CLEC12A: variants seen among roughly 807,000 people sequenced by gnomAD.
The protein encoded by CLEC12A is C-type lectin protein CLL-1.
Under a neutral mutation model 26.5 loss-of-function variants are expected in CLEC12A, and 22 were observed. The ratio of observed to expected loss-of-function variants is 0.83; its 90% CI spans 0.59 to 1.19. The LOEUF (loss-of-function observed/expected upper bound fraction) is 1.19. Among genes scored for constraint, CLEC12A ranks in the 50% most tolerant of loss-of-function variants. CLEC12A has a pLI of 0.00. For missense variants in CLEC12A, 353 were observed against 315.6 expected (o/e 1.12, Z -0.90); for synonymous variants, 119 against 101.9 (o/e 1.17, Z -1.01).
In CLEC12A at chr12:9,980,490, A is replaced by G. The variant is rs574240304; in HGVS notation, c.380-92A>G. ...GAAAAAGAAAGAAGAATAAACAGCA[A>G]ATGTGATCAATGTCACACAGAGAGG... On this transcript the variant is annotated intron_variant, in intron 3 of 5. Transcript: ENST00000304361. 4 of 1,248,934 alleles carry G rather than the reference A, an allele frequency of 3.2e-6. No homozygotes were observed. In the South Asian group the frequency reaches 4.4e-5, roughly 14 times the overall value. 77.4% of individuals were successfully genotyped at this position (1,248,934 alleles called of 1,614,324 possible). A position where few individuals can be genotyped will look rare whatever the true frequency, so the allele number is the denominator to read the frequency against.
At chr12:10,001,881 CTTTTT>C in the CLEC12A span, among the ~76,000 whole-genome samples, 2 of 134,218 alleles carry the variant, frequency 1.5e-5, no homozygotes, top group African/African-American at 5.6e-5. Context: ...TAAACAAAAT[CTTTTT>C]TTTTTTTTTT....
downstream of CLEC12A, among the ~76,000 whole-genome samples, chr12:9,986,363 A>G (rs1187064116): frequency 7.2e-6 from 1 of 138,328 alleles, no homozygotes; most frequent in African/African-American, 2.7e-5. Flanking sequence ...AAAAAAAAAG[A>G]TTAGGACTGA....
chr12:9,979,638 G>A, intron 3 of CLEC12A, 114 bp downstream of exon 3: 1 of 754,358 alleles, frequency 1.3e-6, no homozygotes. Context: ...CATAATTTGG[G>A]GGAAAGAATT....
chr12:9,969,497 G>T (rs1386599941), upstream of CLEC12A, among the ~76,000 whole-genome samples: 1 of 152,136 alleles, frequency 6.6e-6, no homozygotes, highest in African/African-American at 2.4e-5. Flanking sequence ...CTAAACCAAG[G>T]ATTTTGTATG....
chr12:9,980,518 A>T, intron 3 of CLEC12A, 64 bp from the exon 4 acceptor site: 1 of 1,430,738 alleles, frequency 7.0e-7, no homozygotes, highest in Middle Eastern at 1.8e-4. Context: ...CAGAGAGGAA[A>T]GGAAATAATA....
chr12:9,984,923 G>T lies in CLEC12A; in HGVS notation c.695G>T (p.Arg232Ile). 6.3e-7 allele frequency: 1 copy of T among 1,582,026 alleles called. No homozygotes were observed. The highest frequency in any genetic ancestry group is 1.2e-5 in the South Asian group (1 of 86,642). The change falls in exon 6 of 6, where the codon AGA (arginine) becomes ATA (isoleucine). Residue 232 changes from arginine to isoleucine, a missense_variant. By Grantham distance (97) the Arg-to-Ile change is moderately conservative. Coordinates refer to ENST00000304361, the MANE Select transcript of CLEC12A (RefSeq NM_138337.6). ...LNNMYCGYIN[R>I]LYVQYYHCTY... Reference sequence around the variant, plus strand: ...AACATGTATTGTGGATATATAAATAGACTATATGTTCAATATTATCACTGC... The same window carrying T: ...AACATGTATTGTGGATATATAAATATACTATATGTTCAATATTATCACTGC...
At chr12:9,980,831 T>C (rs1303903437) in intron 4 of CLEC12A, 98 bp downstream of exon 4, 10 of 1,324,584 alleles carry the variant, frequency 7.5e-6, no homozygotes, top group African/African-American at 1.5e-5. Flanking sequence ...TTTATTTCAG[T>C]TGGGGTGTGA....
intron 1 of CLEC12A, among the ~76,000 whole-genome samples, chr12:9,955,907 C>A (rs999275477): frequency 1.3e-5 from 2 of 152,022 alleles, no homozygotes; most frequent in African/African-American, 4.8e-5. Flanking sequence ...TGGAGGAAAA[C>A]GTTGCTTCTC....
At chr12:10,005,823 A>G in the CLEC12A span, among the ~76,000 whole-genome samples, 22 of 151,786 alleles carry the variant, frequency 1.4e-4, no homozygotes, top group African/African-American at 5.1e-4. Context: ...GTTTCCTTTA[A>G]GTCTTTGATA....
upstream of CLEC12A, among the ~76,000 whole-genome samples, chr12:9,968,193 T>C (rs1256847073): frequency 6.6e-6 from 1 of 152,170 alleles, no homozygotes; most frequent in African/African-American, 2.4e-5. Flanking sequence ...TGGATCTTTC[T>C]CATGGAATAA....
In CLEC12A at chr12:9,979,370, G is replaced by T; in HGVS notation, c.225G>T (p.Met75Ile). The T allele has an allele frequency of 1.9e-6, 3 of 1,601,676 alleles. No homozygotes were observed. Among genetic ancestry groups the T allele is most frequent in the South Asian group, 2.3e-5 (2 of 88,882 alleles). The change falls in exon 3 of 6, where the codon ATG becomes ATT. Residue 75 changes from methionine to isoleucine, a missense_variant. Met to Ile is a conservative substitution (Grantham distance 10). Coordinates refer to ENST00000304361, the MANE Select transcript of CLEC12A (RefSeq NM_138337.6). ...CTTTGAAGATAGAAATGAAAAAAAT[G>T]AACAAACTACAAAACATCAGTGAAG... ...HVTLKIEMKK[M>I]NKLQNISEEL... is the part of the protein sequence containing the mutation.
upstream of CLEC12A, among the ~76,000 whole-genome samples, chr12:9,970,798 T>C (rs910784584): frequency 1.3e-5 from 2 of 152,204 alleles, no homozygotes; most frequent in Admixed American, 1.3e-4. Flanking sequence ...GCATACTCTC[T>C]GGTGTGGTTT....
At chr12:9,954,748 C>G (rs759912928) in intron 1 of CLEC12A, among the ~76,000 whole-genome samples, 7 of 152,100 alleles carry the variant, frequency 4.6e-5, no homozygotes, top group African/African-American at 1.7e-4. Context: ...AATTAAAAAG[C>G]GTTCATAAAT....
At chr12:9,966,680 C>T (rs1308160812), upstream of CLEC12A, among the ~76,000 whole-genome samples, 1 of 151,594 alleles carries the variant, frequency 6.6e-6, no homozygotes, top group Admixed American at 6.6e-5. Context: ...ACTTTGCTGC[C>T]TCTACTTTAT....
chr12:9,977,090 C>T (rs1864368949), intron 1 of CLEC12A, among the ~76,000 whole-genome samples: 2 of 152,280 alleles, frequency 1.3e-5, no homozygotes, highest in South Asian at 4.1e-4. Flanking sequence ...CATGCTAACC[C>T]TAAAGATGGT....
At position 9,985,302 on chromosome 12, in the gene CLEC12A, G is replaced by A. The variant is rs932300442; in HGVS notation, c.*276G>A. 4.0e-5 allele frequency: 16 copies of A among 400,142 alleles called. No individual in the cohort carries two copies. The highest frequency in any genetic ancestry group is 1.4e-4 in the East Asian group (4 of 28,000). 24.8% of individuals were successfully genotyped at this position (400,142 alleles called of 1,614,324 possible). On this transcript the variant is annotated 3_prime_UTR_variant, in exon 6 of 6. Coordinates refer to ENST00000304361, the MANE Select transcript of CLEC12A (RefSeq NM_138337.6). ...ATTCAGATAGTTGTGGGGGGCCTTCGAATTTTCATTTTCATTTACGTTCTT... is the reference window on the plus strand; with the variant it reads ...ATTCAGATAGTTGTGGGGGGCCTTCAAATTTTCATTTTCATTTACGTTCTT...
chr12:9,964,974 T>C (rs549400180), intron 1 of CLEC12A, among the ~76,000 whole-genome samples: 17 of 152,042 alleles, frequency 1.1e-4, no homozygotes, highest in Non-Finnish European at 2.1e-4. Flanking sequence ...CCAGGAACAA[T>C]GGTAATTGTC....
chr12:9,982,784 T>G (rs1416606897), intron 5 of CLEC12A, among the ~76,000 whole-genome samples: 1 of 152,154 alleles, frequency 6.6e-6, no homozygotes, highest in African/African-American at 2.4e-5. Context: ...ATTCTTTATT[T>G]TCTTCCCACC....
At chr12:9,982,964 G>A (rs1404866537) in intron 5 of CLEC12A, among the ~76,000 whole-genome samples, 1 of 152,068 alleles carries the variant, frequency 6.6e-6, no homozygotes, top group Non-Finnish European at 1.5e-5. Flanking sequence ...GCAAAGTCAT[G>A]ATTTCCTTCT....
Sources: gnomAD v4.1 joint callset for allele counts (sites outside exome capture counted in the v4.1 genomes callset) on GRCh38, gnomAD v4.1.1 for gene constraint, MANE v1.5 for transcripts, NCBI Gene and HGNC (gene_info 2026-07-23, HGNC 2026-07-21) for gene names.